Variants in CYP4B1 observed in about 807,000 individuals in gnomAD.
CYP4B1 encodes the protein cytochrome P450 4B1.
In CYP4B1, 45 loss-of-function variants were observed where a neutral mutation model predicts 54.0. That is an observed-to-expected ratio of 0.83 (90% confidence interval 0.66 to 1.07). CYP4B1 has a LOEUF of 1.07. Ranked by LOEUF, CYP4B1 falls within the 50% of genes least tolerant of loss-of-function variation. CYP4B1 has a pLI of 0.00. For missense variants in CYP4B1, 656 were observed against 655.4 expected, an observed-to-expected ratio of 1.00 and a Z score of -0.01; for synonymous variants, 248 against 247.5, an observed-to-expected ratio of 1.00 and a Z score of -0.02.
intron 1 of CYP4B1, among the ~76,000 whole-genome samples, chr1:46,801,362 AG>A (rs1678655034): frequency 6.6e-6 from 1 of 152,178 alleles, no homozygotes; most frequent in Non-Finnish European, 1.5e-5. Flanking sequence ...GTTTGCCCTC[AG>A]CCAGGGACTT....
At chr1:46,811,958 A>G (rs527833922) in intron 3 of CYP4B1, among the ~76,000 whole-genome samples, 26 of 152,304 alleles carry the variant, frequency 1.7e-4, no homozygotes, top group African/African-American at 6.3e-4. Flanking sequence ...GGATAAAATT[A>G]GAAGGCAGAC....
At chr1:46,809,484 T>C (rs146907517) in intron 1 of CYP4B1, among the ~76,000 whole-genome samples, 1 of 152,350 alleles carries the variant, frequency 6.6e-6, no homozygotes, top group African/African-American at 2.4e-5. Context: ...CAGCACAGGC[T>C]CAGGCCTCAA....
intron 1 of CYP4B1, among the ~76,000 whole-genome samples, chr1:46,807,678 G>A (rs1047342653): frequency 6.6e-6 from 1 of 152,204 alleles, no homozygotes; most frequent in Non-Finnish European, 1.5e-5. Flanking sequence ...GCCCTGTTGG[G>A]TTGAACTCAG....
At chr1:46,817,925 C>T (rs1194301952) in intron 9 of CYP4B1, 40 bp from the exon 10 acceptor site, 1 of 1,589,034 alleles carries the variant, frequency 6.3e-7, no homozygotes, top group Non-Finnish European at 8.6e-7. Context: ...GGCCTGGCTA[C>T]CCAGGACTAC....
At chr1:46,816,678 A>T (rs1438003921) in intron 8 of CYP4B1, among the ~76,000 whole-genome samples, 1 of 152,000 alleles carries the variant, frequency 6.6e-6, no homozygotes, top group African/African-American at 2.4e-5. Context: ...AGTTTCTTTC[A>T]TTCAGCTCAG....
chr1:46,800,195 T>TTTCTCTC (rs1557484304), intron 1 of CYP4B1, among the ~76,000 whole-genome samples: 4,193 of 38,158 alleles, frequency 0.11, 926 homozygotes, highest in East Asian at 0.4. Context: ...CTTTCTTTCT[T>TTTCTCTC]TCTCTTTCTT....
rs55642000 is a variant in CYP4B1, at chr1:46,799,258, C to A, written c.177C>A (p.Leu59=). Residue 59 remains leucine, a synonymous_variant, in exon 1 of 12, where the codon CTC becomes CTA. Coordinates refer to ENST00000371923, the MANE Select transcript of CYP4B1 (RefSeq NM_001099772.2). The part of the protein sequence containing the change: ...PPTHWLFGHA[L]EIQETGSLDK... ...CCCACTGGCTTTTTGGACATGCCCT[C>A]GAGGTATGTGGAGGTCGGGAGGGTG... 3.8e-6 allele frequency: 6 copies of A among 1,587,716 alleles called. No homozygotes were observed. Among genetic ancestry groups the A allele is most frequent in the Non-Finnish European group, 5.1e-6 (6 of 1,166,564 alleles).
intron 1 of CYP4B1, among the ~76,000 whole-genome samples, chr1:46,808,839 AATC>A (rs1377328316): frequency 6.6e-6 from 1 of 150,572 alleles, no homozygotes; most frequent in African/African-American, 2.5e-5. Context: ...TGAAATTGGA[AATC>A]ATCATTCTCA....
intron 1 of CYP4B1, among the ~76,000 whole-genome samples, chr1:46,807,029 G>T (rs547049582): frequency 6.6e-6 from 1 of 152,196 alleles, no homozygotes; most frequent in Admixed American, 6.5e-5. Context: ...CCAGGCTCCC[G>T]GGGTAATCAA....
intron 1 of CYP4B1, 55 bp from the exon 2 acceptor site, chr1:46,810,753 C>T (rs1679063169): frequency 6.2e-7 from 1 of 1,605,340 alleles, no homozygotes; most frequent in Non-Finnish European, 8.5e-7. Context: ...GGACTTGGGG[C>T]CTAGCTGGTG....
intron 1 of CYP4B1, among the ~76,000 whole-genome samples, chr1:46,799,990 A>T (rs192953880): frequency 6.6e-6 from 1 of 152,310 alleles, no homozygotes; most frequent in East Asian, 1.9e-4. Flanking sequence ...CTGGACCTCC[A>T]GTTCCTGGAG....
intron 7 of CYP4B1, 181 bp from the exon 8 acceptor site, chr1:46,814,893 G>A: frequency 1.7e-6 from 1 of 605,918 alleles, no homozygotes; most frequent in Non-Finnish European, 2.9e-6. Context: ...TTGTGGAGGA[G>A]GAGGCATCCA....
chr1:46,817,040 G>A lies in CYP4B1; in HGVS notation c.1074-8G>A. 1 of 1,613,380 alleles carries A rather than the reference G, an allele frequency of 6.2e-7. No homozygotes were observed. The highest frequency in any genetic ancestry group is 8.5e-7 in the Non-Finnish European group (1 of 1,179,454). On this transcript the variant is annotated splice_polypyrimidine_tract_variant and splice_region_variant and intron_variant, in intron 8 of 11. Coordinates refer to ENST00000371923, the MANE Select transcript of CYP4B1 (RefSeq NM_001099772.2). The stretch of plus-strand genomic sequence containing the variant: ...ATTCCAAGAATGTTCTGGTTGTGTT[G>A]CTGGCAGGGATGATCTGGGCAAAAT...
chr1:46,800,840 A>G (rs963844365), intron 1 of CYP4B1, among the ~76,000 whole-genome samples: 12 of 152,180 alleles, frequency 7.9e-5, no homozygotes, highest in Non-Finnish European at 1.2e-4. Flanking sequence ...TGTGGGTCAG[A>G]GAGATGAATC....
rs1040267242 is a variant in CYP4B1 at position 46,819,033 on chromosome 1, T to C, written c.*219T>C. The C allele has an allele frequency of 2.2e-6, 1 of 448,444 alleles. No homozygotes were observed. Among genetic ancestry groups the C allele is most frequent in the Non-Finnish European group, 3.9e-6 (1 of 255,458 alleles). The allele number at this position is 448,444 out of a possible 1,614,324, so 27.8% of individuals were successfully genotyped here. On this transcript the variant is annotated 3_prime_UTR_variant, in exon 12 of 12. Transcript: ENST00000371923. Reference sequence around the variant, plus strand: ...TGCATGTATTCTAGAGCTCATTCATTTATTCAACAAACATTTGGTGAGCAC... The same window carrying C: ...TGCATGTATTCTAGAGCTCATTCATCTATTCAACAAACATTTGGTGAGCAC...
intron 3 of CYP4B1, 77 bp downstream of exon 3, chr1:46,811,261 C>T: frequency 1.4e-6 from 2 of 1,461,392 alleles, no homozygotes; most frequent in Admixed American, 3.4e-5. Flanking sequence ...TGGCCTGTCC[C>T]ACTCAATTGG....
At chr1:46,800,347 T>G (rs1363918947) in intron 1 of CYP4B1, among the ~76,000 whole-genome samples, 1 of 150,296 alleles carries the variant, frequency 6.7e-6, no homozygotes, top group African/African-American at 2.5e-5. Context: ...CTTTCTTTTT[T>G]TGATGGGGAG....
At chr1:46,815,409 G>A in intron 8 of CYP4B1, 145 bp downstream of exon 8, 6 of 701,556 alleles carry the variant, frequency 8.6e-6, no homozygotes, top group Non-Finnish European at 1.3e-5. Flanking sequence ...GGTGGTGGGG[G>A]GTGGGGAGAG....
intron 8 of CYP4B1, chr1:46,815,514 A>C: frequency 2.8e-6 from 1 of 358,760 alleles, no homozygotes; most frequent in Non-Finnish European, 5.0e-6. Context: ...CAAGAGGCTG[A>C]TATTTTGTGT....
Sources: gnomAD v4.1 joint callset for allele counts (sites outside exome capture counted in the v4.1 genomes callset) on GRCh38, gnomAD v4.1.1 for gene constraint, MANE v1.5 for transcripts, NCBI Gene and HGNC (gene_info 2026-07-23, HGNC 2026-07-21) for gene names.